The following CECR2 variants were observed in gnomAD, a reference collection of about 807,000 sequenced individuals.
CECR2 encodes CECR2 histone acetyl-lysine reader.
CECR2 carries 30 observed loss-of-function variants against 154.5 expected under a neutral mutation model. That is an observed-to-expected ratio of 0.19 (90% CI 0.15 to 0.26). The LOEUF is 0.26. Ranked by LOEUF, CECR2 falls within the 10% of genes least tolerant of loss-of-function variation. The pLI is 1.00. For synonymous variants in CECR2, 725 were observed against 683.7 expected (o/e 1.06, Z -0.94); for missense variants, 1,743 against 1,829.3 (o/e 0.95, Z 0.86).
At chr22:17,480,060 C>T (rs2055280237) in intron 2 of CECR2, among the ~76,000 whole-genome samples, 1 of 151,912 alleles carries the variant, frequency 6.6e-6, no homozygotes, top group South Asian at 2.1e-4. Flanking sequence ...GTGCCTTGCC[C>T]CTACAAGTAT....
intron 3 of CECR2, among the ~76,000 whole-genome samples, chr22:17,498,702 G>A (rs1050304368): frequency 2.0e-5 from 3 of 152,148 alleles, no homozygotes; most frequent in East Asian, 1.9e-4. Context: ...CTGCCACAGA[G>A]GATCCCATGG....
At chr22:17,437,163 C>T (rs575804616) in intron 1 of CECR2, among the ~76,000 whole-genome samples, 9 of 152,254 alleles carry the variant, frequency 5.9e-5, no homozygotes, top group African/African-American at 2.2e-4. Context: ...ATTAGATGGT[C>T]TTGCCCCTGT....
chr22:17,392,999 C>G (rs914528295), intron 1 of CECR2, among the ~76,000 whole-genome samples: 3 of 152,196 alleles, frequency 2.0e-5, no homozygotes, highest in African/African-American at 7.2e-5. Context: ...GAGATCACGC[C>G]ACTGCACTGC....
intron 7 of CECR2, 98 bp downstream of exon 7, chr22:17,505,114 C>A: frequency 8.4e-7 from 1 of 1,188,474 alleles, no homozygotes. Context: ...CCCCACTGTC[C>A]TGGAAATAGT....
chr22:17,528,929 T>C (rs1334890910), intron 9 of CECR2, among the ~76,000 whole-genome samples: 3 of 152,024 alleles, frequency 2.0e-5, no homozygotes, highest in Non-Finnish European at 4.4e-5. Context: ...ATTAGGCAGG[T>C]TTACAGGTAA....
chr22:17,372,542 C>T (rs1427847576), intron 1 of CECR2, among the ~76,000 whole-genome samples: 1 of 152,062 alleles, frequency 6.6e-6, no homozygotes, highest in Non-Finnish European at 1.5e-5. Flanking sequence ...TGGCGCGCTC[C>T]TGTAATCCCA....
At position 17,524,196 on chromosome 22, in the gene CECR2, CAGA is replaced by C; in HGVS notation, c.1039_1041del (p.Lys347del). 2.5e-6 allele frequency: 4 copies of C among 1,608,934 alleles called. No homozygotes were observed. Among genetic ancestry groups the C allele is most frequent in the Non-Finnish European group, 3.4e-6 (4 of 1,177,806 alleles). ...AGAGCGTCAGATTCTTCTAGCAGTG[CAGA>C]AGAAGGAGCAGGAGCAGATGCTAAA... On this transcript the variant is annotated inframe_deletion, in exon 9 of 19. Transcript: ENST00000262608.
At chr22:17,511,993 T>A in intron 8 of CECR2, 97 bp downstream of exon 8, 1 of 938,622 alleles carries the variant, frequency 1.1e-6, no homozygotes, top group Non-Finnish European at 1.6e-6. Context: ...TTTCCTTCAT[T>A]TTTTTTCCTA....
intron 1 of CECR2, among the ~76,000 whole-genome samples, chr22:17,461,410 G>A (rs565933088): frequency 6.6e-6 from 1 of 152,212 alleles, no homozygotes; most frequent in African/African-American, 2.4e-5. Context: ...AAAGATGGTG[G>A]ATGCCTCAGG....
At chr22:17,401,183 C>T (rs1017967164) in intron 1 of CECR2, among the ~76,000 whole-genome samples, 2 of 151,982 alleles carry the variant, frequency 1.3e-5, no homozygotes, top group African/African-American at 4.8e-5. Context: ...TGAGGAGGGA[C>T]GGGTGACAGA....
intron 1 of CECR2, among the ~76,000 whole-genome samples, chr22:17,398,663 T>C (rs143782291): frequency 2.4e-4 from 36 of 152,292 alleles, no homozygotes; most frequent in African/African-American, 8.7e-4. Context: ...GAAATGGGAA[T>C]AAACAGTACT....
chr22:17,367,235 C>T (rs1203074521), upstream of CECR2, among the ~76,000 whole-genome samples: 1 of 152,084 alleles, frequency 6.6e-6, no homozygotes, highest in Non-Finnish European at 1.5e-5. Context: ...AAAAGGTAGC[C>T]AAATCATCTC....
intron 1 of CECR2, among the ~76,000 whole-genome samples, chr22:17,442,898 T>C (rs923172973): frequency 1.3e-5 from 2 of 152,190 alleles, no homozygotes; most frequent in African/African-American, 4.8e-5. Flanking sequence ...TCATTCACAT[T>C]TTTGCTTCAT....
At chr22:17,536,041 G>A (rs781410256) in intron 9 of CECR2, among the ~76,000 whole-genome samples, 54 of 152,110 alleles carry the variant, frequency 3.6e-4, no homozygotes, top group South Asian at 6.2e-4. Context: ...CTGAGGTCAC[G>A]AGTTCGAGAC....
At chr22:17,400,997 G>A (rs1207238597) in intron 1 of CECR2, among the ~76,000 whole-genome samples, 1 of 152,044 alleles carries the variant, frequency 6.6e-6, no homozygotes, top group Admixed American at 6.6e-5. Flanking sequence ...GAACTCCTGG[G>A]CTCAGGAGAT....
intron 8 of CECR2, among the ~76,000 whole-genome samples, chr22:17,519,403 G>C (rs1372962692): frequency 6.6e-6 from 1 of 151,722 alleles, no homozygotes; most frequent in African/African-American, 2.4e-5. Flanking sequence ...GGGACTACAG[G>C]CGCCCGCCAC....
chr22:17,405,512 C>T (rs1012994343), intron 1 of CECR2, among the ~76,000 whole-genome samples: 3 of 149,630 alleles, frequency 2.0e-5, no homozygotes, highest in East Asian at 3.9e-4. Context: ...TGGTGGCTGC[C>T]GCCTGTGATC....
At chr22:17,368,666 T>TC (rs1385855038), upstream of CECR2, among the ~76,000 whole-genome samples, 2 of 151,844 alleles carry the variant, frequency 1.3e-5, no homozygotes, top group Non-Finnish European at 2.9e-5. Flanking sequence ...CTCTGCCCCA[T>TC]CCCCCCGCCT....
intron 8 of CECR2, chr22:17,518,566 T>C (rs984492258): frequency 6.6e-6 from 2 of 304,836 alleles, no homozygotes; most frequent in Admixed American, 4.0e-5. Flanking sequence ...TCTCTGCAAC[T>C]GTCTTCCTTC....
Sources: allele counts gnomAD v4.1 joint callset (sites outside exome capture counted in the v4.1 genomes callset), GRCh38; gene constraint gnomAD v4.1.1; transcripts MANE v1.5; gene names NCBI Gene and HGNC (gene_info 2026-07-23, HGNC 2026-07-21).